Variants in FSTL4 observed in about 807,000 individuals in gnomAD.
FSTL4 encodes the protein follistatin-related protein 4.
FSTL4 carries 28 observed loss-of-function variants against 78.2 expected under a neutral mutation model. That is an observed-to-expected ratio of 0.36 (90% CI 0.27 to 0.49). FSTL4 has a LOEUF of 0.49. Ranked by LOEUF, FSTL4 falls within the 20% of genes least tolerant of loss-of-function variation. The pLI, the probability that FSTL4 is intolerant of heterozygous loss-of-function variation, is 0.98. For synonymous variants in FSTL4, 422 were observed against 440.5 expected, an observed-to-expected ratio of 0.96 and a Z score of 0.53; for missense variants, 922 against 1,084.9, an observed-to-expected ratio of 0.85 and a Z score of 2.11.
chr5:133,591,266 G>A (rs1760621109), intron 2 of FSTL4, among the ~76,000 whole-genome samples: 1 of 152,196 alleles, frequency 6.6e-6, no homozygotes, highest in Non-Finnish European at 1.5e-5. Context: ...TGGCGAGGGT[G>A]CTGACAAGAC....
At chr5:133,728,923 G>C in the FSTL4 span, among the ~76,000 whole-genome samples, 2 of 152,152 alleles carry the variant, frequency 1.3e-5, no homozygotes, top group African/African-American at 2.4e-5. Flanking sequence ...CTAGTCAAAG[G>C]TCTTCAGAAA....
At chr5:133,829,847 C>G in the FSTL4 span, among the ~76,000 whole-genome samples, 1 of 152,184 alleles carries the variant, frequency 6.6e-6, no homozygotes, top group Non-Finnish European at 1.5e-5. Flanking sequence ...GGCGGCCGGT[C>G]AGCTTCCCTC....
At chr5:133,695,761 G>A in the FSTL4 span, among the ~76,000 whole-genome samples, 1 of 152,104 alleles carries the variant, frequency 6.6e-6, no homozygotes. Context: ...AGAGACCAAA[G>A]GCAACCCCCT....
intron 4 of FSTL4, among the ~76,000 whole-genome samples, chr5:133,356,763 G>A (rs1754952942): frequency 6.6e-6 from 1 of 152,200 alleles, no homozygotes; most frequent in African/African-American, 2.4e-5. Context: ...GGCCTGCCTC[G>A]CAGGGATCCC....
intron 7 of FSTL4, among the ~76,000 whole-genome samples, chr5:133,246,252 G>C (rs1040610702): frequency 1.3e-5 from 2 of 152,174 alleles, no homozygotes; most frequent in Non-Finnish European, 2.9e-5. Flanking sequence ...CTCAGGCTGA[G>C]GGACTCTGGG....
At chr5:133,513,608 C>T (rs1256226044) in intron 3 of FSTL4, among the ~76,000 whole-genome samples, 3 of 152,206 alleles carry the variant, frequency 2.0e-5, no homozygotes, top group African/African-American at 7.2e-5. Context: ...AACCTGTCTT[C>T]AGCCATCCAC....
At chr5:133,629,618 T>C in the FSTL4 span, among the ~76,000 whole-genome samples, 13 of 152,072 alleles carry the variant, frequency 8.5e-5, no homozygotes, top group Non-Finnish European at 1.6e-4. Context: ...ACAATAGAAA[T>C]AGAGGGACTC....
At chr5:133,816,712 T>C in the FSTL4 span, among the ~76,000 whole-genome samples, 1 of 152,184 alleles carries the variant, frequency 6.6e-6, no homozygotes, top group African/African-American at 2.4e-5. Context: ...ATTATAGGTT[T>C]GTTTGAGGTC....
At chr5:133,406,633 G>A (rs1443627451) in intron 3 of FSTL4, among the ~76,000 whole-genome samples, 6 of 152,190 alleles carry the variant, frequency 3.9e-5, no homozygotes. Context: ...GGGTTGGGAT[G>A]AGAATCTGTA....
At chr5:133,240,334 G>A (rs1751811646) in intron 7 of FSTL4, among the ~76,000 whole-genome samples, 2 of 152,178 alleles carry the variant, frequency 1.3e-5, no homozygotes, top group African/African-American at 4.8e-5. Flanking sequence ...AAGACCTGAG[G>A]AACCATCCTT....
At chr5:133,686,839 A>G in the FSTL4 span, among the ~76,000 whole-genome samples, 1 of 152,110 alleles carries the variant, frequency 6.6e-6, no homozygotes, top group East Asian at 1.9e-4. Flanking sequence ...AGAGGGGAAG[A>G]CTCCGGAGAA....
At chr5:133,474,568 C>G (rs1757890388) in intron 3 of FSTL4, among the ~76,000 whole-genome samples, 1 of 152,218 alleles carries the variant, frequency 6.6e-6, no homozygotes, top group Non-Finnish European at 1.5e-5. Context: ...AACTCCATGG[C>G]TTTCGTGACT....
Position 133,307,932 on chromosome 5 carries a change from C to G in FSTL4, c.727+4722G>C, listed in dbSNP as rs539756018. ...AGTAGCTGAGACTACAGGCGCCCAC[C>G]ACCAAGCCCGGCTAAGTTTTTGTAT... On this transcript the variant is annotated intron_variant, in intron 6 of 15. Transcript: ENST00000265342. Among the ~76,000 whole-genome samples the G allele has an allele frequency of 1.4e-4, 22 of 152,310 alleles. No homozygotes were observed. In the South Asian group the frequency reaches 1.9e-3, roughly 13 times the overall value.
intron 4 of FSTL4, among the ~76,000 whole-genome samples, chr5:133,397,713 C>T (rs76947383): frequency 0.022 from 3,361 of 152,206 alleles, 132 homozygotes; most frequent in African/African-American, 0.076. Flanking sequence ...CCAGCACAAC[C>T]CATCACTTCT....
chr5:133,395,468 C>T (rs183892357), intron 4 of FSTL4, among the ~76,000 whole-genome samples: 52 of 152,258 alleles, frequency 3.4e-4, no homozygotes, highest in African/African-American at 1.0e-3. Flanking sequence ...CCGGACACAC[C>T]ATCTTTAAGA....
At chr5:133,480,001 A>G (rs1757996552) in intron 3 of FSTL4, among the ~76,000 whole-genome samples, 1 of 152,252 alleles carries the variant, frequency 6.6e-6, no homozygotes, top group Non-Finnish European at 1.5e-5. Context: ...CCAAAAAATT[A>G]GAAAAGACGG....
the FSTL4 span, among the ~76,000 whole-genome samples, chr5:133,729,841 G>A: frequency 6.6e-6 from 1 of 152,094 alleles, no homozygotes; most frequent in African/African-American, 2.4e-5. Context: ...GAAGATGCCA[G>A]GTTCTGAAAA....
chr5:133,631,790 C>T, the FSTL4 span, among the ~76,000 whole-genome samples: 2 of 152,114 alleles, frequency 1.3e-5, no homozygotes, highest in Non-Finnish European at 2.9e-5. Context: ...AAATGTGGCA[C>T]CTATACACCA....
At chr5:133,261,554 A>C (rs1752521028) in intron 6 of FSTL4, among the ~76,000 whole-genome samples, 1 of 152,140 alleles carries the variant, frequency 6.6e-6, no homozygotes, top group African/African-American at 2.4e-5. Context: ...TTCATGTTAA[A>C]ACAGAGCTCA....
Sources: gnomAD v4.1 joint callset for allele counts (sites outside exome capture counted in the v4.1 genomes callset) on GRCh38, gnomAD v4.1.1 for gene constraint, MANE v1.5 for transcripts, NCBI Gene and HGNC (gene_info 2026-07-23, HGNC 2026-07-21) for gene names.